RPH3AL: variants seen among roughly 807,000 people sequenced by gnomAD.
RPH3AL encodes rabphilin 3A like (without C2 domains).
RPH3AL carries 38 observed loss-of-function variants against 43.1 expected under a neutral mutation model. That is an observed-to-expected ratio of 0.88 (90% confidence interval 0.68 to 1.15). RPH3AL has a LOEUF of 1.15. RPH3AL is among the 50% of genes most tolerant of loss of function. RPH3AL has a pLI of 0.00. For synonymous variants in RPH3AL, 189 were observed against 176.3 expected (o/e 1.07, Z -0.57); for missense variants, 462 against 423.2 (o/e 1.09, Z -0.81).
At chr17:320,404 G>A (rs1245021362) in intron 4 of RPH3AL, among the ~76,000 whole-genome samples, 1 of 152,124 alleles carries the variant, frequency 6.6e-6, no homozygotes, top group East Asian at 1.9e-4. Flanking sequence ...GTGAGGCTGA[G>A]GCAGGCGGAT....
At chr17:221,671 C>A (rs1448976343) in intron 7 of RPH3AL, among the ~76,000 whole-genome samples, 3 of 145,774 alleles carry the variant, frequency 2.1e-5, no homozygotes, top group Non-Finnish European at 4.5e-5. Flanking sequence ...CCAAGTGCAT[C>A]AGCTCTGAGG....
intron 5 of RPH3AL, among the ~76,000 whole-genome samples, chr17:318,617 A>G (rs952448979): frequency 6.6e-6 from 1 of 152,178 alleles, no homozygotes; most frequent in Non-Finnish European, 1.5e-5. Context: ...CCTCCATATG[A>G]TAGTATAATT....
chr17:324,437 G>A (rs1015626493), intron 3 of RPH3AL, among the ~76,000 whole-genome samples: 2 of 152,142 alleles, frequency 1.3e-5, no homozygotes, highest in African/African-American at 4.8e-5. Flanking sequence ...GCCGACTTGA[G>A]GGCACCTGAC....
intron 6 of RPH3AL, chr17:247,823 C>T (rs4426400): frequency 0.45 from 68,661 of 152,280 alleles, 15,980 homozygotes; most frequent in Non-Finnish European, 0.47. Flanking sequence ...TTTCCGGCCC[C>T]TGCTGGAAAA....
chr17:314,769 G>C lies in RPH3AL; in HGVS notation c.351+4651C>G, dbSNP rs1341666857. Among the ~76,000 whole-genome samples, 104 of 113,758 alleles carry C rather than the reference G, an allele frequency of 9.1e-4. 2 individuals are homozygous for C. Among genetic ancestry groups the C allele is most frequent in the African/African-American group, 3.6e-3 (96 of 26,996 alleles). The allele number at this position is 113,758 out of a possible 152,430, so 74.6% of individuals were successfully genotyped here. On this transcript the variant is annotated intron_variant, in intron 5 of 9. Coordinates refer to ENST00000331302, the MANE Select transcript of RPH3AL (RefSeq NM_006987.4). The stretch of plus-strand genomic sequence containing the variant: ...CCACCTCCATTGACCTGTAGTCTCT[G>C]TGACCCCACCTCCATTGACCTGTAG...
intron 2 of RPH3AL, chr17:332,138 G>A (rs185548032): frequency 1.2e-5 from 4 of 345,426 alleles, no homozygotes; most frequent in Non-Finnish European, 1.7e-5. Context: ...GCTCTGCGGG[G>A]AGCAGACACA....
chr17:312,416 A>G (rs2043668041), intron 5 of RPH3AL, among the ~76,000 whole-genome samples: 1 of 152,202 alleles, frequency 6.6e-6, no homozygotes, highest in Non-Finnish European at 1.5e-5. Context: ...CCAGACACAG[A>G]ATCAGCCAGC....
intron 5 of RPH3AL, among the ~76,000 whole-genome samples, chr17:313,563 G>C (rs1400693377): frequency 6.6e-6 from 1 of 152,122 alleles, no homozygotes; most frequent in Non-Finnish European, 1.5e-5. Context: ...GTTTGGGCCT[G>C]AGCTCAGAGA....
In RPH3AL at chr17:246,216, C is replaced by T. The variant is rs910916043; in HGVS notation, c.613+895G>A. Among the ~76,000 whole-genome samples, 6 of 152,242 alleles carry T rather than the reference C, an allele frequency of 3.9e-5. No homozygotes were observed. Among genetic ancestry groups the T allele is most frequent in the East Asian group, 3.9e-4 (2 of 5,164 alleles). On this transcript the variant is annotated intron_variant, in intron 7 of 9. Coordinates refer to ENST00000331302, the MANE Select transcript of RPH3AL (RefSeq NM_006987.4). This position sits in a 1 kb window ranked among gnomAD's most constrained non-coding sequence, Gnocchi z 4.8. ...TGTCGCAAAGCCCCTGAGAAGCGGC[C>T]GCCAGGTCTATTGTGATGGGTCCAC...
Position 235,421 on chromosome 17 carries a change from GCCGA to G in RPH3AL, c.613+11686_613+11689del, listed in dbSNP as rs1395564279. On this transcript the variant is annotated intron_variant, in intron 7 of 9. Coordinates refer to ENST00000331302, the MANE Select transcript of RPH3AL (RefSeq NM_006987.4). ...GGTCCCGGGTTCAAAGCTGGGGTCG[GCCGA>G]GGCTCTGCAGTAACAAGAGGGATGC... Among the ~76,000 whole-genome samples, 25 of 142,586 alleles carry G rather than the reference GCCGA, an allele frequency of 1.8e-4. 1 individual carries two copies. Among genetic ancestry groups the G allele is most frequent in the African/African-American group, 6.4e-4 (24 of 37,500 alleles). 93.5% of individuals were successfully genotyped at this position (142,586 alleles called of 152,430 possible).
intron 5 of RPH3AL, among the ~76,000 whole-genome samples, chr17:297,545 G>A (rs2043214307): frequency 1.3e-5 from 2 of 152,220 alleles, no homozygotes; most frequent in South Asian, 2.1e-4. Context: ...AATGTGCTGC[G>A]GATCGGGCGT....
intron 7 of RPH3AL, among the ~76,000 whole-genome samples, chr17:231,279 C>T (rs1355507028): frequency 6.6e-6 from 1 of 152,202 alleles, no homozygotes; most frequent in Non-Finnish European, 1.5e-5. Context: ...CCCTCAGGCC[C>T]ATGGGGTCTG....
At chr17:235,738 A>G (rs1304928202) in intron 7 of RPH3AL, among the ~76,000 whole-genome samples, 1 of 109,998 alleles carries the variant, frequency 9.1e-6, no homozygotes, top group African/African-American at 3.3e-5. Context: ...TTCCACACTA[A>G]CAAGACGGAT....
intron 5 of RPH3AL, among the ~76,000 whole-genome samples, chr17:291,430 T>C (rs867373567): frequency 1.3e-5 from 2 of 152,148 alleles, no homozygotes; most frequent in Middle Eastern, 3.4e-3. Context: ...ATCTGGAAAA[T>C]TACTTTCCTG....
At chr17:350,373 A>G (rs2045329069) in intron 1 of RPH3AL, among the ~76,000 whole-genome samples, 1 of 152,202 alleles carries the variant, frequency 6.6e-6, no homozygotes, top group African/African-American at 2.4e-5. Flanking sequence ...GCACTTTGGG[A>G]GGCCGAGGTG....
intron 5 of RPH3AL, among the ~76,000 whole-genome samples, chr17:315,124 A>T (rs2043909831): frequency 6.8e-5 from 10 of 147,794 alleles, no homozygotes; most frequent in Admixed American, 1.3e-4. Context: ...ATTGACCTGT[A>T]GTCTCTGTGC....
chr17:330,362 C>T (rs939251057), intron 2 of RPH3AL, among the ~76,000 whole-genome samples: 3 of 152,224 alleles, frequency 2.0e-5, no homozygotes, highest in Admixed American at 2.0e-4. Context: ...CCAGGACCTC[C>T]TCAGATGGAG....
intron 5 of RPH3AL, among the ~76,000 whole-genome samples, chr17:316,071 G>T (rs1555520041): frequency 1.4e-5 from 2 of 142,654 alleles, no homozygotes; most frequent in East Asian, 2.2e-4. Flanking sequence ...CCAGTGATGT[G>T]TAGTCCCTGT....
chr17:234,499 T>A (rs989370458), intron 7 of RPH3AL: 20 of 162,648 alleles, frequency 1.2e-4, no homozygotes, highest in Non-Finnish European at 2.1e-4. Context: ...GTTCTCCACA[T>A]TTAAACTAGT....
Sources: gnomAD v4.1 joint callset for allele counts (sites outside exome capture counted in the v4.1 genomes callset) on GRCh38, gnomAD v4.1.1 for gene constraint, Gnocchi (gnomAD v3.1) non-coding constraint, MANE v1.5 for transcripts, NCBI Gene and HGNC (gene_info 2026-07-23, HGNC 2026-07-21) for gene names.